LAMC3: variants seen among roughly 807,000 people sequenced by gnomAD.
LAMC3 encodes laminin subunit gamma-3.
Under a neutral mutation model 173.8 loss-of-function variants are expected in LAMC3, and 128 were observed. The ratio of observed to expected loss-of-function variants is 0.74; its 90% CI spans 0.64 to 0.85. The LOEUF (loss-of-function observed/expected upper bound fraction) is 0.85, where lower values mean the gene tolerates loss of function less well. Among genes scored for constraint, LAMC3 ranks in the 40% least tolerant of loss-of-function variants. LAMC3 has a pLI of 0.00. For missense variants in LAMC3, 2,022 were observed against 2,156.0 expected, an observed-to-expected ratio of 0.94 and a Z score of 1.23; for synonymous variants, 897 against 909.1, an observed-to-expected ratio of 0.99 and a Z score of 0.24.
intron 17 of LAMC3, among the ~76,000 whole-genome samples, chr9:131,070,686 C>A (rs1218937149): frequency 1.3e-5 from 2 of 152,072 alleles, no homozygotes; most frequent in Non-Finnish European, 2.9e-5. Context: ...TGCACTCCAG[C>A]CTGGGTGACA....
At position 131,092,040 on chromosome 9, in the gene LAMC3, AC is replaced by A. The variant is rs1830437462; in HGVS notation, c.*257del. 3.5e-6 allele frequency: 2 copies of A among 565,254 alleles called. No individual in the cohort carries two copies. The highest frequency in any genetic ancestry group is 6.4e-6 in the Non-Finnish European group (2 of 313,560). The allele number at this position is 565,254 out of a possible 1,614,324, so 35.0% of individuals were successfully genotyped here. A position where few individuals can be genotyped will look rare whatever the true frequency, so the allele number is the denominator to read the frequency against. On this transcript the variant is annotated 3_prime_UTR_variant, in exon 28 of 28. Transcript: ENST00000361069. Reference sequence around the variant, plus strand: ...CCCCTGCACATGCATAAACGGGCACACCCCAGTGTCAATAACATACACACGT... The same window carrying A: ...CCCCTGCACATGCATAAACGGGCACACCCAGTGTCAATAACATACACACGT...
chr9:131,062,655 G>A (rs911377541), intron 13 of LAMC3, among the ~76,000 whole-genome samples: 9 of 152,028 alleles, frequency 5.9e-5, no homozygotes, highest in African/African-American at 1.7e-4. Context: ...GATCACCTGC[G>A]GTCCGGAGTC....
intron 13 of LAMC3, among the ~76,000 whole-genome samples, 198 bp downstream of exon 13, chr9:131,061,421 A>T (rs372051815): frequency 2.6e-5 from 4 of 152,322 alleles, no homozygotes; most frequent in South Asian, 4.1e-4. Context: ...GCTGCCGCAC[A>T]TTGCCAGCAG....
In LAMC3 at chr9:131,047,165, C is replaced by CTTTTTTTTTTTTTTTTTTTTTTTTTTTT. The variant is rs398012456; in HGVS notation, c.1519+1522_1519+1523insTTTTTTTTTTTTTTTTTTTTTTTTTTTT. On this transcript the variant is annotated intron_variant, in intron 8 of 27. Coordinates refer to ENST00000361069, the MANE Select transcript of LAMC3 (RefSeq NM_006059.4). ...AAAACTTTTTGGTCTCTGAATTCCT[C>CTTTTTTTTTTTTTTTTTTTTTTTTTTTT]TTTTTTTTTTTTTTTTTAAGACGGA... 1.3e-3 allele frequency among the ~76,000 whole-genome samples: 132 copies of CTTTTTTTTTTTTTTTTTTTTTTTTTTTT among 102,126 alleles called. 19 individuals are homozygous for CTTTTTTTTTTTTTTTTTTTTTTTTTTTT. Among genetic ancestry groups the CTTTTTTTTTTTTTTTTTTTTTTTTTTTT allele is most frequent in the Admixed American group, 2.1e-3 (19 of 8,864 alleles). The allele number at this position is 102,126 out of a possible 152,430, so 67.0% of individuals were successfully genotyped here.
chr9:131,068,749 C>T (rs1829988083), intron 15 of LAMC3, among the ~76,000 whole-genome samples, 159 bp from the exon 16 acceptor site: 1 of 152,152 alleles, frequency 6.6e-6, no homozygotes, highest in Non-Finnish European at 1.5e-5. Context: ...CTTGTGCTTT[C>T]CAGAGCACAG....
chr9:131,018,545 T>C (rs1300461911), intron 1 of LAMC3, among the ~76,000 whole-genome samples: 1 of 152,164 alleles, frequency 6.6e-6, no homozygotes, highest in Non-Finnish European at 1.5e-5. Context: ...GCTGTGTTCC[T>C]ATCAGGAAAG....
At chr9:131,015,337 C>A (rs1236588118) in intron 1 of LAMC3, among the ~76,000 whole-genome samples, 1 of 152,180 alleles carries the variant, frequency 6.6e-6, no homozygotes, top group Non-Finnish European at 1.5e-5. Context: ...GTCCTCCCAG[C>A]CCAACCCTGC....
chr9:131,093,534 C>T lies in LAMC3; in HGVS notation c.*1747C>T, dbSNP rs1169409101. 1 of 152,356 alleles carries T rather than the reference C, an allele frequency of 6.6e-6. No homozygotes were observed. Among genetic ancestry groups the T allele is most frequent in the Admixed American group, 6.5e-5 (1 of 15,280 alleles). The allele number at this position is 152,356 out of a possible 1,614,324, so 9.4% of individuals were successfully genotyped here. ...GGGGCTCGGCCAGCTTGCATCACTC[C>T]AGGACCCCAGGTTGAATGGGGTGGG... On this transcript the variant is annotated 3_prime_UTR_variant, in exon 28 of 28. Transcript: ENST00000361069.
chr9:131,050,344 C>T (rs1323363765), intron 9 of LAMC3, among the ~76,000 whole-genome samples: 1 of 152,194 alleles, frequency 6.6e-6, no homozygotes, highest in Non-Finnish European at 1.5e-5. Context: ...GACACAGAAA[C>T]AAACGTCTGG....
At chr9:131,046,692 G>A (rs1386318773) in intron 8 of LAMC3, among the ~76,000 whole-genome samples, 1 of 151,626 alleles carries the variant, frequency 6.6e-6, no homozygotes. Context: ...GGCCTATACC[G>A]TGGTCCCTGA....
chr9:131,022,917 TTC>T (rs1236496171), intron 1 of LAMC3, among the ~76,000 whole-genome samples: 1 of 152,002 alleles, frequency 6.6e-6, no homozygotes, highest in African/African-American at 2.4e-5. Context: ...AGCAGTCACT[TTC>T]TGTTTTCCCC....
Position 131,044,445 on chromosome 9 carries a change from G to T in LAMC3, c.1383-1079G>T, listed in dbSNP as rs145332471. On this transcript the variant is annotated intron_variant, in intron 7 of 27. Coordinates refer to ENST00000361069, the MANE Select transcript of LAMC3 (RefSeq NM_006059.4). Reference sequence around the variant, plus strand: ...CAATTGTTTGAACCCGGGAGACAGAGGTTACAGTGAGCTGAAATCGTGCCA... The same window carrying T: ...CAATTGTTTGAACCCGGGAGACAGATGTTACAGTGAGCTGAAATCGTGCCA... 5.1e-4 allele frequency among the ~76,000 whole-genome samples: 78 copies of T among 152,254 alleles called. No individual in the cohort carries two copies. The East Asian group carries it at 0.015, about 30-fold the overall frequency.
intron 1 of LAMC3, among the ~76,000 whole-genome samples, chr9:131,010,094 C>T (rs1395612715): frequency 6.8e-6 from 1 of 146,114 alleles, no homozygotes. Flanking sequence ...GTGGAGGTTG[C>T]CGTGAGCCGA....
In LAMC3 at chr9:131,029,744, G is replaced by A. The variant is rs1393485104; in HGVS notation, c.679-2301G>A. Among the ~76,000 whole-genome samples, 1 of 152,132 alleles carries A rather than the reference G, an allele frequency of 6.6e-6. No individual in the cohort carries two copies. Among genetic ancestry groups the A allele is most frequent in the African/African-American group, 2.4e-5 (1 of 41,430 alleles). Reference sequence around the variant, plus strand: ...GACTTTGGAGGAGAAGGTCGACCTGGCTGTTGCAGAGTAAGACCGCCAGAG... The same window carrying A: ...GACTTTGGAGGAGAAGGTCGACCTGACTGTTGCAGAGTAAGACCGCCAGAG... On this transcript the variant is annotated intron_variant, in intron 2 of 27. Coordinates refer to ENST00000361069, the MANE Select transcript of LAMC3 (RefSeq NM_006059.4). This position sits in a 1 kb window ranked among gnomAD's most constrained non-coding sequence, Gnocchi z 4.6.
Position 131,038,937 on chromosome 9 carries a change from G to A in LAMC3, c.1050G>A (p.Gly350=), listed in dbSNP as rs145888529. 5.8e-5 allele frequency: 94 copies of A among 1,613,076 alleles called. No individual in the cohort carries two copies. The African/African-American group carries it at 1.2e-3, about 21-fold the overall frequency. Reference sequence around the variant, plus strand: ...TCTTCCGCAGCACAGGCCACGGCGGGCGCTGTCACCACTGCCGTGACCACA... The same window carrying A: ...TCTTCCGCAGCACAGGCCACGGCGGACGCTGTCACCACTGCCGTGACCACA... ...RELFRSTGHG[G]RCHHCRDHTA... Residue 350 remains glycine (G), a synonymous_variant, in exon 5 of 28, where the codon GGG becomes GGA. Coordinates refer to ENST00000361069, the MANE Select transcript of LAMC3 (RefSeq NM_006059.4).
At chr9:131,024,270 C>G (rs369594243) in intron 1 of LAMC3, among the ~76,000 whole-genome samples, 1 of 151,786 alleles carries the variant, frequency 6.6e-6, no homozygotes, top group African/African-American at 2.4e-5. Context: ...CTCAGCCTCC[C>G]GAGTAGCTGG....
chr9:131,062,284 C>G (rs1829842905), intron 13 of LAMC3, among the ~76,000 whole-genome samples: 1 of 151,996 alleles, frequency 6.6e-6, no homozygotes, highest in African/African-American at 2.4e-5. Context: ...TCGCATGAAC[C>G]CAGGAGGCGG....
At chr9:131,063,623 G>A (rs1335687317) in intron 13 of LAMC3, among the ~76,000 whole-genome samples, 1 of 152,128 alleles carries the variant, frequency 6.6e-6, no homozygotes, top group Non-Finnish European at 1.5e-5. Flanking sequence ...ACTTGTCCTG[G>A]GAAGACTCCT....
In LAMC3 at chr9:131,047,165, C is replaced by CTTTTTTTTTTTTTTTTTTTTT. The variant is rs398012456; in HGVS notation, c.1519+1522_1519+1523insTTTTTTTTTTTTTTTTTTTTT. On this transcript the variant is annotated intron_variant, in intron 8 of 27. Coordinates refer to ENST00000361069, the MANE Select transcript of LAMC3 (RefSeq NM_006059.4). ...AAAACTTTTTGGTCTCTGAATTCCT[C>CTTTTTTTTTTTTTTTTTTTTT]TTTTTTTTTTTTTTTTTAAGACGGA... 1.1e-3 allele frequency among the ~76,000 whole-genome samples: 115 copies of CTTTTTTTTTTTTTTTTTTTTT among 102,150 alleles called. 18 individuals are homozygous for CTTTTTTTTTTTTTTTTTTTTT. Among genetic ancestry groups the CTTTTTTTTTTTTTTTTTTTTT allele is most frequent in the African/African-American group, 4.0e-3 (105 of 26,576 alleles). 67.0% of individuals were successfully genotyped at this position (102,150 alleles called of 152,430 possible). A position where few individuals can be genotyped will look rare whatever the true frequency, so the allele number is the denominator to read the frequency against.
Sources: gnomAD v4.1 joint callset for allele counts (sites outside exome capture counted in the v4.1 genomes callset) on GRCh38, gnomAD v4.1.1 for gene constraint, Gnocchi (gnomAD v3.1) non-coding constraint, MANE v1.5 for transcripts, NCBI Gene and HGNC (gene_info 2026-07-23, HGNC 2026-07-21) for gene names.